The following NCKAP5 variants were observed in gnomAD, a reference collection of about 807,000 sequenced individuals.
The protein encoded by NCKAP5 is nck-associated protein 5.
NCKAP5 carries 92 observed loss-of-function variants against 167.0 expected under a neutral mutation model. The observed-to-expected ratio is 0.55, with a 90% CI of 0.47 to 0.66. NCKAP5 has a LOEUF of 0.66. Among genes scored for constraint, NCKAP5 ranks in the 30% least tolerant of loss-of-function variants. NCKAP5 has a pLI of 0.00. For missense variants in NCKAP5, 2,378 were observed against 2,315.0 expected (o/e 1.03, Z -0.56); for synonymous variants, 891 against 877.4 (o/e 1.02, Z -0.27).
intron 2 of NCKAP5, among the ~76,000 whole-genome samples, chr2:133,543,317 C>T (rs1428617049): frequency 6.6e-6 from 1 of 152,158 alleles, no homozygotes; most frequent in Non-Finnish European, 1.5e-5. Flanking sequence ...CAGATGCTGG[C>T]ACCATGCTTG....
At chr2:133,608,105 G>T in the NCKAP5 span, among the ~76,000 whole-genome samples, 11 of 152,246 alleles carry the variant, frequency 7.2e-5, no homozygotes, top group African/African-American at 2.4e-4. Context: ...TTCCAAGATA[G>T]AGTTGTTTAT....
intron 5 of NCKAP5, among the ~76,000 whole-genome samples, chr2:133,187,001 G>A (rs2084974025): frequency 6.6e-6 from 1 of 151,444 alleles, no homozygotes; most frequent in East Asian, 1.9e-4. Context: ...TGCAAGCTTC[G>A]GGTTTGGTTT....
Position 133,008,952 on chromosome 2 carries a change from A to G in NCKAP5, c.342-14713T>C, listed in dbSNP as rs180806613. Reference sequence around the variant, plus strand: ...GATTCCTTCTCTTCTCCCCTTGCCTATCCAAACATCATGCATCCTCCAGGT... The same window carrying G: ...GATTCCTTCTCTTCTCCCCTTGCCTGTCCAAACATCATGCATCCTCCAGGT... On this transcript the variant is annotated intron_variant, in intron 6 of 19. Transcript: ENST00000409261. Among the ~76,000 whole-genome samples the G allele has an allele frequency of 1.8e-3, 279 of 152,274 alleles. 3 individuals carry two copies. Among genetic ancestry groups the G allele is most frequent in the African/African-American group, 6.3e-3 (260 of 41,548 alleles).
intron 2 of NCKAP5, among the ~76,000 whole-genome samples, chr2:133,554,672 T>C (rs1226632813): frequency 6.6e-6 from 1 of 152,194 alleles, no homozygotes; most frequent in Non-Finnish European, 1.5e-5. Flanking sequence ...AATAACTCTT[T>C]GCCAAGTATG....
intron 5 of NCKAP5, among the ~76,000 whole-genome samples, chr2:133,131,555 A>G (rs974731573): frequency 6.6e-6 from 1 of 152,192 alleles, no homozygotes; most frequent in Non-Finnish European, 1.5e-5. Context: ...CTGGAAATAT[A>G]TTTGTTTATT....
the NCKAP5 span, among the ~76,000 whole-genome samples, chr2:133,607,559 G>A: frequency 6.6e-6 from 1 of 152,164 alleles, no homozygotes; most frequent in Non-Finnish European, 1.5e-5. Flanking sequence ...AGTTGAAAGA[G>A]ACTGAGGAAG....
At chr2:133,190,745 C>T (rs1179760148) in intron 5 of NCKAP5, among the ~76,000 whole-genome samples, 1 of 152,142 alleles carries the variant, frequency 6.6e-6, no homozygotes. Context: ...TGGATCCCTT[C>T]CTTACACCTT....
chr2:132,795,466 T>A (rs972811236), intron 12 of NCKAP5, among the ~76,000 whole-genome samples: 1 of 152,242 alleles, frequency 6.6e-6, no homozygotes, highest in Non-Finnish European at 1.5e-5. Context: ...ATTCATATAC[T>A]TTAAACATTC....
intron 19 of NCKAP5, among the ~76,000 whole-genome samples, chr2:132,677,545 G>T (rs1684652707): frequency 3.3e-5 from 5 of 152,040 alleles, no homozygotes; most frequent in Admixed American, 2.6e-4. Context: ...TCTTGGAATG[G>T]TTTTGAAGGG....
At chr2:133,189,986 C>A (rs2085137193) in intron 5 of NCKAP5, among the ~76,000 whole-genome samples, 2 of 152,154 alleles carry the variant, frequency 1.3e-5, no homozygotes, top group Non-Finnish European at 2.9e-5. Context: ...GTCAAATTGT[C>A]CCTGTTTGCA....
At chr2:133,227,106 A>G (rs2086927528) in intron 4 of NCKAP5, among the ~76,000 whole-genome samples, 1 of 152,196 alleles carries the variant, frequency 6.6e-6, no homozygotes, top group Non-Finnish European at 1.5e-5. Flanking sequence ...AGAGCACAAA[A>G]GTCAGATGTC....
At chr2:133,264,244 T>G (rs1310032180) in intron 4 of NCKAP5, among the ~76,000 whole-genome samples, 3 of 152,248 alleles carry the variant, frequency 2.0e-5, no homozygotes, top group African/African-American at 7.2e-5. Context: ...TTAGGATGAT[T>G]TGCAATATTT....
chr2:132,799,817 G>A (rs953060897), intron 11 of NCKAP5, among the ~76,000 whole-genome samples: 2 of 151,446 alleles, frequency 1.3e-5, no homozygotes, highest in Non-Finnish European at 2.9e-5. Flanking sequence ...ATTTATGGGG[G>A]TGCATGTGAT....
intron 10 of NCKAP5, among the ~76,000 whole-genome samples, chr2:132,861,260 G>A (rs1337308066): frequency 3.9e-5 from 6 of 152,066 alleles, no homozygotes; most frequent in African/African-American, 1.4e-4. Context: ...TCTGTTTGGA[G>A]CAGCTCTTTT....
At chr2:133,126,591 C>T (rs1434121952) in intron 6 of NCKAP5, among the ~76,000 whole-genome samples, 5 of 152,158 alleles carry the variant, frequency 3.3e-5, no homozygotes, top group African/African-American at 1.2e-4. Flanking sequence ...AGAATTAATC[C>T]TAATTTGCAC....
chr2:132,796,891 A>T (rs563043045), intron 11 of NCKAP5, among the ~76,000 whole-genome samples, 162 bp from the exon 12 acceptor site: 5 of 152,224 alleles, frequency 3.3e-5, no homozygotes, highest in Non-Finnish European at 7.3e-5. Flanking sequence ...GTTCCCATAC[A>T]TGTATATGTA....
At chr2:133,352,457 A>G (rs1428840771) in intron 3 of NCKAP5, among the ~76,000 whole-genome samples, 1 of 152,226 alleles carries the variant, frequency 6.6e-6, no homozygotes, top group South Asian at 2.1e-4. Flanking sequence ...TGTCCTCCAC[A>G]TACAATTTGG....
intron 4 of NCKAP5, among the ~76,000 whole-genome samples, chr2:133,255,486 T>C (rs956713615): frequency 6.6e-6 from 1 of 152,008 alleles, no homozygotes; most frequent in Admixed American, 6.6e-5. Context: ...GTTAGTTTCC[T>C]TGGGGGGAGG....
intron 3 of NCKAP5, among the ~76,000 whole-genome samples, chr2:133,352,918 A>G (rs1442928254): frequency 6.6e-6 from 1 of 152,204 alleles, no homozygotes; most frequent in Non-Finnish European, 1.5e-5. Flanking sequence ...ATGTTGGCAA[A>G]ATAAAAGCCA....
Sources: allele counts gnomAD v4.1 joint callset (sites outside exome capture counted in the v4.1 genomes callset), GRCh38; gene constraint gnomAD v4.1.1; transcripts MANE v1.5; gene names NCBI Gene and HGNC (gene_info 2026-07-23, HGNC 2026-07-21).